SLC12A8: variants seen among roughly 807,000 people sequenced by gnomAD.
SLC12A8 encodes the protein solute carrier family 12 member 8, also known as cation-chloride cotransporter 9.
In SLC12A8, 69 loss-of-function variants were observed where a neutral mutation model predicts 75.6. That is an observed-to-expected ratio of 0.91 (90% confidence interval 0.75 to 1.11). The LOEUF (loss-of-function observed/expected upper bound fraction) is 1.11, where lower values mean the gene tolerates loss of function less well. Ranked by LOEUF, SLC12A8 falls within the 50% of genes most tolerant of loss-of-function variation. SLC12A8 has a pLI of 0.00. For missense variants in SLC12A8, 877 were observed against 896.7 expected, an observed-to-expected ratio of 0.98 and a Z score of 0.28; for synonymous variants, 365 against 372.8, an observed-to-expected ratio of 0.98 and a Z score of 0.24.
intron 5 of SLC12A8, among the ~76,000 whole-genome samples, chr3:125,159,129 C>T (rs1934108975): frequency 6.6e-6 from 1 of 152,124 alleles, no homozygotes; most frequent in Non-Finnish European, 1.5e-5. Flanking sequence ...TAATAAAATT[C>T]TCTAATTAAA....
chr3:125,185,745 T>C (rs1355159299), intron 4 of SLC12A8, among the ~76,000 whole-genome samples: 1 of 152,124 alleles, frequency 6.6e-6, no homozygotes, highest in Admixed American at 6.6e-5. Flanking sequence ...CAGCAATTTA[T>C]AAAAAGGATT....
At position 125,167,803 on chromosome 3, in the gene SLC12A8, A is replaced by G. The variant is rs556561970; in HGVS notation, c.622+9940T>C. 1.4e-4 allele frequency among the ~76,000 whole-genome samples: 21 copies of G among 152,360 alleles called. No individual in the cohort carries two copies. In the South Asian group the frequency reaches 2.5e-3, roughly 18 times the overall value. ...ATTCCAGAATTAGAAGGAGAGCTGT[A>G]TTCATATGCTTCATAAATCAGTGAA... On this transcript the variant is annotated intron_variant, in intron 5 of 13. Transcript: ENST00000469902.
chr3:125,087,479 T>C (rs1297243652), intron 13 of SLC12A8, among the ~76,000 whole-genome samples: 3 of 152,220 alleles, frequency 2.0e-5, no homozygotes, highest in African/African-American at 7.2e-5. Context: ...CATGATCCAC[T>C]AGCAATGTCT....
chr3:125,136,916 C>T (rs188693733), intron 5 of SLC12A8, among the ~76,000 whole-genome samples: 2 of 152,308 alleles, frequency 1.3e-5, no homozygotes, highest in East Asian at 3.9e-4. Flanking sequence ...GGATATTCAG[C>T]CTCTGCTTCT....
intron 10 of SLC12A8, among the ~76,000 whole-genome samples, chr3:125,097,559 T>C (rs907553954): frequency 6.6e-6 from 1 of 150,738 alleles, no homozygotes; most frequent in African/African-American, 2.4e-5. Context: ...TGTGTGTGTG[T>C]GTGTGTGTGT....
At chr3:125,124,122 A>C (rs912082329) in intron 6 of SLC12A8, among the ~76,000 whole-genome samples, 1 of 152,184 alleles carries the variant, frequency 6.6e-6, no homozygotes. Context: ...CACAGGAATG[A>C]GCCAGGCCCA....
chr3:125,092,226 C>A, intron 10 of SLC12A8, 28 bp from the exon 11 acceptor site: 1 of 1,512,528 alleles, frequency 6.6e-7, no homozygotes, highest in South Asian at 1.1e-5. Flanking sequence ...ATTTGGCTGC[C>A]AAATTGCTAT....
chr3:125,138,647 T>A (rs768748283), intron 5 of SLC12A8, among the ~76,000 whole-genome samples: 3 of 152,146 alleles, frequency 2.0e-5, no homozygotes, highest in Non-Finnish European at 4.4e-5. Flanking sequence ...CTAACTGTGG[T>A]TGTTTGTATA....
At chr3:125,192,629 A>C (rs546757879) in intron 2 of SLC12A8, 1 of 154,466 alleles carries the variant, frequency 6.5e-6, no homozygotes, top group African/African-American at 2.4e-5. Flanking sequence ...ATCTCACTGG[A>C]CTAGTCAATC....
At chr3:125,084,119 C>T in intron 13 of SLC12A8, 67 bp from the exon 14 acceptor site, 1 of 1,338,152 alleles carries the variant, frequency 7.5e-7, no homozygotes, top group South Asian at 1.3e-5. Flanking sequence ...AGAGGTGAGT[C>T]TACTGGGCAT....
chr3:125,212,190 G>A (rs2107808937), intron 1 of SLC12A8, among the ~76,000 whole-genome samples: 1 of 152,130 alleles, frequency 6.6e-6, no homozygotes, highest in African/African-American at 2.4e-5. Flanking sequence ...GAGGAGGGAA[G>A]GCGCCCGGAG....
intron 10 of SLC12A8, among the ~76,000 whole-genome samples, chr3:125,099,713 A>G (rs1250102609): frequency 6.6e-6 from 1 of 152,122 alleles, no homozygotes; most frequent in Non-Finnish European, 1.5e-5. Flanking sequence ...CAGAACCCCT[A>G]AGGTCAGGAG....
chr3:125,197,116 G>A (rs1311266627), intron 2 of SLC12A8, among the ~76,000 whole-genome samples: 6 of 152,118 alleles, frequency 3.9e-5, no homozygotes, highest in Non-Finnish European at 7.4e-5. Flanking sequence ...CCAGAAAGTA[G>A]GGAAGTGCTA....
At chr3:125,091,992 T>C (rs1938591406) in intron 11 of SLC12A8, 109 bp downstream of exon 11, 2 of 669,602 alleles carry the variant, frequency 3.0e-6, no homozygotes, top group Non-Finnish European at 5.2e-6. Flanking sequence ...GCAAATCACA[T>C]TGCTTCTAAT....
In SLC12A8 at chr3:125,083,956, G is replaced by A. The variant is rs754135704; in HGVS notation, c.2079C>T (p.Phe693=). ...MTQLTQENAD[F]ATRDRYHHSS... ...AGTGGTGGTAGCGATCCCGAGTGGC[G>A]AAGTCTGCATTCTCCTGGGTGAGCT... Residue 693 remains phenylalanine (F), a synonymous_variant, in exon 14 of 14, where the codon TTC becomes TTT. Transcript: ENST00000469902. 5.6e-6 allele frequency: 9 copies of A among 1,613,562 alleles called. No homozygotes were observed. Among genetic ancestry groups the A allele is most frequent in the East Asian group, 2.2e-5 (1 of 44,874 alleles).
At chr3:125,151,947 T>C (rs1243411620) in intron 5 of SLC12A8, among the ~76,000 whole-genome samples, 1 of 152,206 alleles carries the variant, frequency 6.6e-6, no homozygotes, top group Non-Finnish European at 1.5e-5. Context: ...AGGCAGATAT[T>C]ATTATTCTCT....
At chr3:125,166,752 C>G (rs777037558) in intron 5 of SLC12A8, among the ~76,000 whole-genome samples, 1 of 152,140 alleles carries the variant, frequency 6.6e-6, no homozygotes, top group Admixed American at 6.5e-5. Flanking sequence ...GGATAAATTG[C>G]GAAAATATGT....
intron 2 of SLC12A8, among the ~76,000 whole-genome samples, chr3:125,200,022 T>G (rs536031460): frequency 6.6e-6 from 1 of 151,986 alleles, no homozygotes; most frequent in East Asian, 1.9e-4. Flanking sequence ...TTAGAAGACA[T>G]GAAAACCAGA....
At chr3:125,212,205 G>A (rs1275973180) in intron 1 of SLC12A8, among the ~76,000 whole-genome samples, 1 of 152,046 alleles carries the variant, frequency 6.6e-6, no homozygotes, top group Non-Finnish European at 1.5e-5. Flanking sequence ...CCGGAGCACT[G>A]AGTGGGGGGT....
Sources: allele counts gnomAD v4.1 joint callset (sites outside exome capture counted in the v4.1 genomes callset), GRCh38; gene constraint gnomAD v4.1.1; transcripts MANE v1.5; gene names NCBI Gene and HGNC (gene_info 2026-07-23, HGNC 2026-07-21).